The following ATP13A4 variants were observed in gnomAD, a reference collection of about 807,000 sequenced individuals.
ATP13A4 encodes the protein ATPase 13A4.
A neutral mutation model predicts 142.5 loss-of-function variants in ATP13A4; 114 were observed. That is an observed-to-expected ratio of 0.80 (90% confidence interval 0.69 to 0.93). The LOEUF (loss-of-function observed/expected upper bound fraction) is 0.93, where lower values mean the gene tolerates loss of function less well. ATP13A4 is among the 40% of genes least tolerant of loss of function. The pLI is 0.00. For missense variants in ATP13A4, 1,392 were observed against 1,454.0 expected, an observed-to-expected ratio of 0.96 and a Z score of 0.69; for synonymous variants, 488 against 514.8, an observed-to-expected ratio of 0.95 and a Z score of 0.70.
rs778286882 is a variant in ATP13A4 at position 193,492,944 on chromosome 3, C to T, written c.506G>A (p.Gly169Asp). The T allele has an allele frequency of 1.2e-6, 2 of 1,610,596 alleles. No homozygotes were observed. The highest frequency in any genetic ancestry group is 1.7e-5 in the Admixed American group (1 of 59,950). ...SAKIHQKFGSGLTREEQEIRR... is the reference protein window; with the variant it reads ...SAKIHQKFGSDLTREEQEIRR... ...AATCTCCTGTTCTTCTCTTGTCAAGCCTGATCCAAATTTTTGATGTATCTT... is the reference window on the plus strand; with the variant it reads ...AATCTCCTGTTCTTCTCTTGTCAAGTCTGATCCAAATTTTTGATGTATCTT... Residue 169 changes from glycine to aspartate, a missense_variant, in exon 5 of 30, where the codon GGC (glycine) becomes GAC (aspartate). Coordinates refer to ENST00000342695, the MANE Select transcript of ATP13A4 (RefSeq NM_032279.4).
At chr3:193,563,867 T>C (rs889243099) in intron 2 of ATP13A4, among the ~76,000 whole-genome samples, 5 of 152,162 alleles carry the variant, frequency 3.3e-5, no homozygotes, top group Admixed American at 6.5e-5. Context: ...TCTGGCAACC[T>C]CACTGTCTAA....
At chr3:193,408,150 C>T (rs1203205177) in intron 28 of ATP13A4, among the ~76,000 whole-genome samples, 2 of 152,250 alleles carry the variant, frequency 1.3e-5, no homozygotes, top group Non-Finnish European at 2.9e-5. Context: ...CTGGCACTGA[C>T]TTATGCATTG....
At chr3:193,437,103 CAAAAAA>C (rs1190025956) in intron 23 of ATP13A4, among the ~76,000 whole-genome samples, 1 of 62,830 alleles carries the variant, frequency 1.6e-5, no homozygotes, top group Admixed American at 1.5e-4. Flanking sequence ...GACTCCGTCT[CAAAAAA>C]AAAAAAAAAA....
At chr3:193,406,139 G>A (rs1714479536) in intron 29 of ATP13A4, among the ~76,000 whole-genome samples, 1 of 152,168 alleles carries the variant, frequency 6.6e-6, no homozygotes, top group South Asian at 2.1e-4. Context: ...CTGCGGGTAG[G>A]GCTGGGCAAC....
At chr3:193,438,899 T>G in intron 22 of ATP13A4, 124 bp downstream of exon 22, 2 of 1,053,282 alleles carry the variant, frequency 1.9e-6, no homozygotes, top group South Asian at 2.5e-5. Context: ...GCCAGGAGTA[T>G]ACCTCTAAAG....
Position 193,438,524 on chromosome 3 carries a change from G to C in ATP13A4, c.2623C>G (p.Pro875Ala). The C allele has an allele frequency of 6.2e-7, 1 of 1,614,164 alleles. No homozygotes were observed. The highest frequency in any genetic ancestry group is 8.5e-7 in the Non-Finnish European group (1 of 1,180,034). ...ATGTTTGGAGTTTTGGAAGTGAAAG[G>C]TGAGGCCACAGATGCCTCCTGCTCT... is the stretch of plus-strand genomic sequence containing the variant. ...LSEQEASVAS[P>A]FTSKTPNIEC... is the part of the protein sequence containing the mutation. Residue 875 changes from proline (P) to alanine (A), a missense_variant, in exon 23 of 30, where the codon CCT becomes GCT. By Grantham distance (27) the Pro-to-Ala change is conservative (BLOSUM62 -1). Coordinates refer to ENST00000342695, the MANE Select transcript of ATP13A4 (RefSeq NM_032279.4).
In ATP13A4 at chr3:193,483,978, C is replaced by G. The variant is rs768387430; in HGVS notation, c.766G>C (p.Glu256Gln). 6.2e-7 allele frequency: 1 copy of G among 1,610,010 alleles called. No homozygotes were observed. Among genetic ancestry groups the G allele is most frequent in the South Asian group, 1.1e-5 (1 of 90,954 alleles). The change falls in exon 8 of 30, where the codon GAG (glutamate) becomes CAG (glutamine). Residue 256 changes from glutamate (E) to glutamine (Q), a missense_variant. Glu to Gln is a conservative substitution (Grantham distance 29). Transcript: ENST00000342695. ...GAGACCGTAATGCTATTATGTGACT[C>G]GACGAGATGGTGGAGTTTTACAGAT... ...EQSVKLHHLV[E>Q]SHNSITVSVC...
chr3:193,503,362 T>C (rs903220043), intron 2 of ATP13A4, among the ~76,000 whole-genome samples: 1 of 151,864 alleles, frequency 6.6e-6, no homozygotes, highest in African/African-American at 2.4e-5. Flanking sequence ...TCACACAGAG[T>C]AAAATTAGAG....
chr3:193,518,627 C>T (rs1411667229), intron 1 of ATP13A4, among the ~76,000 whole-genome samples: 2 of 152,060 alleles, frequency 1.3e-5, no homozygotes, highest in Non-Finnish European at 2.9e-5. Flanking sequence ...AGTAGCTAAC[C>T]AAATTAATGC....
rs780334560 is a variant in ATP13A4 at position 193,489,867 on chromosome 3, G to A, written c.604-3C>T. ...AATATATAAAATGGATTTAGAACCT[G>A]TTGGCAGACATAAAAACAGGAAGAC... On this transcript the variant is annotated splice_region_variant and splice_polypyrimidine_tract_variant and intron_variant, in intron 6 of 29. Transcript: ENST00000342695. The A allele has an allele frequency of 1.2e-6, 2 of 1,612,446 alleles. No homozygotes were observed. Among genetic ancestry groups the A allele is most frequent in the Non-Finnish European group, 1.7e-6 (2 of 1,178,896 alleles).
At chr3:193,588,002 A>T (rs373503007) in intron 1 of ATP13A4, among the ~76,000 whole-genome samples, 44 of 152,054 alleles carry the variant, frequency 2.9e-4, no homozygotes, top group African/African-American at 9.9e-4. Flanking sequence ...GCATGGTGAT[A>T]TATGTCTGCC....
intron 1 of ATP13A4, among the ~76,000 whole-genome samples, chr3:193,542,561 C>A (rs1385449628): frequency 6.6e-6 from 1 of 152,108 alleles, no homozygotes; most frequent in Non-Finnish European, 1.5e-5. Context: ...AGGCATCAGG[C>A]TACCTGACTT....
At chr3:193,458,753 C>T (rs189705780) in intron 14 of ATP13A4, 35 of 527,494 alleles carry the variant, frequency 6.6e-5, no homozygotes, top group African/African-American at 5.7e-4. Context: ...AGACAATGCT[C>T]GGAGAACAGT....
chr3:193,530,052 A>G (rs370328036), intron 1 of ATP13A4, among the ~76,000 whole-genome samples: 3 of 152,130 alleles, frequency 2.0e-5, no homozygotes, highest in East Asian at 1.9e-4. Flanking sequence ...TAGCAACAAA[A>G]TACCTTTCCC....
chr3:193,521,049 G>T (rs1721687507), intron 1 of ATP13A4, among the ~76,000 whole-genome samples: 2 of 152,146 alleles, frequency 1.3e-5, no homozygotes, highest in African/African-American at 4.8e-5. Flanking sequence ...CCAAGGCAAC[G>T]ATCGTAAAAA....
intron 10 of ATP13A4, among the ~76,000 whole-genome samples, chr3:193,466,434 T>C (rs566992136): frequency 2.0e-5 from 3 of 152,360 alleles, no homozygotes; most frequent in Admixed American, 6.5e-5. Flanking sequence ...AAAACCGCCG[T>C]ACTGGGTGCA....
At chr3:193,484,103 T>TTA in intron 7 of ATP13A4, 98 bp from the exon 8 acceptor site, 1 of 1,017,690 alleles carries the variant, frequency 9.8e-7, no homozygotes, top group Non-Finnish European at 1.6e-6. Context: ...AGCACTGTCT[T>TTA]ACTGCCAGTT....
At chr3:193,559,680 C>T (rs965636870), upstream of ATP13A4, among the ~76,000 whole-genome samples, 1 of 152,232 alleles carries the variant, frequency 6.6e-6, no homozygotes, top group Non-Finnish European at 1.5e-5. Flanking sequence ...GATGCTGTCT[C>T]TGCTTCTCAG....
rs1351666676 is a variant in ATP13A4, at chr3:193,531,297, A to AGGGAGGAAGGAAGGGAG, written c.61-16427_61-16426insCTCCCTTCCTTCCTCCC. Reference sequence around the variant, plus strand: ...GAGGGAGGGAGGGAGGGAGGGAGGGAGGAAGGAAGGAAGGAAGGAAGGAAG... The same window carrying AGGGAGGAAGGAAGGGAG: ...GAGGGAGGGAGGGAGGGAGGGAGGGAGGGAGGAAGGAAGGGAGGGAAGGAAGGAAGGAAGGAAGGAAG... On this transcript the variant is annotated intron_variant, in intron 1 of 29. Transcript: ENST00000342695. 2.0e-4 allele frequency among the ~76,000 whole-genome samples: 4 copies of AGGGAGGAAGGAAGGGAG among 20,394 alleles called. 1 individual carries two copies. The highest frequency in any genetic ancestry group is 1.0e-3 in the African/African-American group (3 of 2,864). The allele number at this position is 20,394 out of a possible 152,430, so 13.4% of individuals were successfully genotyped here. A position where few individuals can be genotyped will look rare whatever the true frequency, so the allele number is the denominator to read the frequency against.
Sources: gnomAD v4.1 joint callset for allele counts (sites outside exome capture counted in the v4.1 genomes callset) on GRCh38, gnomAD v4.1.1 for gene constraint, MANE v1.5 for transcripts, NCBI Gene and HGNC (gene_info 2026-07-23, HGNC 2026-07-21) for gene names.